The following HDAC5 variants were observed in gnomAD, a reference collection of about 807,000 sequenced individuals.
HDAC5 encodes the protein antigen NY-CO-9.
Under a neutral mutation model 133.3 loss-of-function variants are expected in HDAC5, and 25 were observed. That is an observed-to-expected ratio of 0.19 (90% confidence interval 0.14 to 0.26). HDAC5 has a LOEUF of 0.26. Among genes scored for constraint, HDAC5 ranks in the 10% least tolerant of loss-of-function variants. HDAC5 has a pLI of 1.00. For missense variants in HDAC5, 1,041 were observed against 1,460.5 expected, an observed-to-expected ratio of 0.71 and a Z score of 4.68; for synonymous variants, 589 against 610.8, an observed-to-expected ratio of 0.96 and a Z score of 0.53.
chr17:44,121,942 T>C (rs2053031448), intron 1 of HDAC5, among the ~76,000 whole-genome samples: 1 of 151,924 alleles, frequency 6.6e-6, no homozygotes, highest in African/African-American at 2.4e-5. Flanking sequence ...GGGGCCCATT[T>C]CTCTAACTCA....
chr17:44,099,696 G>C (rs948308561), intron 3 of HDAC5, among the ~76,000 whole-genome samples: 8 of 152,046 alleles, frequency 5.3e-5, no homozygotes, highest in Non-Finnish European at 8.8e-5. Flanking sequence ...GGGTGGTCTC[G>C]ATCTCCTGAC....
rs117519930 is a variant in HDAC5, at chr17:44,093,503, C to T, written c.355-18G>A. ...TGCTGCTGCTGCAGGGGCATGGGAACGGAGGCACAAGTGAGCCAGGCCCGG... is the reference window on the plus strand; with the variant it reads ...TGCTGCTGCTGCAGGGGCATGGGAATGGAGGCACAAGTGAGCCAGGCCCGG... On this transcript the variant is annotated intron_variant, in intron 4 of 26. Transcript: ENST00000682912. The T allele has an allele frequency of 0.028, 45,121 of 1,603,430 alleles. 740 individuals carry two copies. Among genetic ancestry groups the T allele is most frequent in the Middle Eastern group, 0.035 (210 of 6,030 alleles).
chr17:44,111,961 T>C (rs2052373496), intron 2 of HDAC5, among the ~76,000 whole-genome samples: 1 of 152,166 alleles, frequency 6.6e-6, no homozygotes, highest in Admixed American at 6.5e-5. Context: ...GGTGCAGTGC[T>C]ACGAACATCA....
chr17:44,088,168 C>A lies in HDAC5; in HGVS notation c.1599+219G>T, dbSNP rs150373166. Among the ~76,000 whole-genome samples, 1,340 of 152,320 alleles carry A rather than the reference C, an allele frequency of 8.8e-3. 8 individuals are homozygous for A. Among genetic ancestry groups the A allele is most frequent in the Non-Finnish European group, 0.014 (927 of 68,036 alleles). ...GGATTATTATAGGTGCCTACCACCA[C>A]GCCTGGCTAATTTTTGTATTTTTAG... is the stretch of plus-strand genomic sequence containing the variant. On this transcript the variant is annotated intron_variant, in intron 12 of 26. Coordinates refer to ENST00000682912, the MANE Select transcript of HDAC5 (RefSeq NM_005474.5).
chr17:44,090,840 C>A (rs887667698), intron 11 of HDAC5, among the ~76,000 whole-genome samples: 2 of 152,132 alleles, frequency 1.3e-5, no homozygotes, highest in African/African-American at 4.8e-5. Context: ...CAGGTGCCCA[C>A]CACCACGCCC....
intron 2 of HDAC5, among the ~76,000 whole-genome samples, chr17:44,113,861 C>G (rs763879533): frequency 2.6e-5 from 4 of 152,186 alleles, no homozygotes; most frequent in Non-Finnish European, 4.4e-5. Flanking sequence ...AGTGAAAAAG[C>G]CAATGGCTGG....
At chr17:44,111,013 A>G in intron 2 of HDAC5, 1 of 556,444 alleles carries the variant, frequency 1.8e-6, no homozygotes, top group Middle Eastern at 3.2e-4. Flanking sequence ...CGGCCTGGGC[A>G]CTCCTGGCGG....
At position 44,087,502 on chromosome 17, in the gene HDAC5, CTCCTCCTCCCCATCGTCTTCCTCG is replaced by C; in HGVS notation, c.1770_1793del (p.Asp590_Glu597del). 2 of 1,596,910 alleles carry C rather than the reference CTCCTCCTCCCCATCGTCTTCCTCG, an allele frequency of 1.3e-6. No individual in the cohort carries two copies. The highest frequency in any genetic ancestry group is 2.2e-5 in the South Asian group (2 of 90,748). Reference sequence around the variant, plus strand: ...CGTCCTTAACCTGGATGCAATCCTCCTCCTCCTCCCCATCGTCTTCCTCGTCCTCCTCCTCCAGGTCTTCCTGTG... The same window carrying C: ...CGTCCTTAACCTGGATGCAATCCTCCTCCTCCTCCTCCAGGTCTTCCTGTG... On this transcript the variant is annotated inframe_deletion, in exon 13 of 27. Transcript: ENST00000682912.
At position 44,093,905 on chromosome 17, in the gene HDAC5, G is replaced by A. The variant is rs1673164234; in HGVS notation, c.95-71C>T. 4 of 1,430,518 alleles carry A rather than the reference G, an allele frequency of 2.8e-6. No individual in the cohort carries two copies. In the African/African-American group the frequency reaches 5.8e-5, roughly 21 times the overall value. 88.6% of individuals were successfully genotyped at this position (1,430,518 alleles called of 1,614,324 possible). A position where few individuals can be genotyped will look rare whatever the true frequency, so the allele number is the denominator to read the frequency against. ...ACTCCAGTCATGCCTGAGGCCCAAA[G>A]GCTACCACGCAGGATTCTAGGAGAC... On this transcript the variant is annotated intron_variant, in intron 3 of 26. Transcript: ENST00000682912.
At chr17:44,080,913 T>C (rs892074884) in intron 20 of HDAC5, 31 bp from the exon 21 acceptor site, 6 of 1,613,798 alleles carry the variant, frequency 3.7e-6, no homozygotes, top group African/African-American at 1.3e-5. Context: ...ATCGGGAAAA[T>C]GGCCCGCGCT....
At chr17:44,113,648 T>C (rs2052473447) in intron 2 of HDAC5, among the ~76,000 whole-genome samples, 1 of 152,090 alleles carries the variant, frequency 6.6e-6, no homozygotes, top group Admixed American at 6.6e-5. Flanking sequence ...ATGGGGTACA[T>C]GAGCTTCACC....
In HDAC5 at chr17:44,099,546, C is replaced by A. The variant is rs903620400; in HGVS notation, c.95-5712G>T. Among the ~76,000 whole-genome samples the A allele has an allele frequency of 2.0e-5, 3 of 151,828 alleles. No individual in the cohort carries two copies. In the East Asian group the frequency reaches 5.8e-4, roughly 29 times the overall value. On this transcript the variant is annotated intron_variant, in intron 3 of 26. Coordinates refer to ENST00000682912, the MANE Select transcript of HDAC5 (RefSeq NM_005474.5). ...CTGGAGTGCAGTGGCGCGATCTCGG[C>A]TCACTGCAAGCTCCGCCTTCCAGGT...
At chr17:44,121,581 T>C (rs2053007994) in intron 1 of HDAC5, among the ~76,000 whole-genome samples, 1 of 151,850 alleles carries the variant, frequency 6.6e-6, no homozygotes. Flanking sequence ...CCGACTGCAC[T>C]ACCCCCAGCT....
intron 2 of HDAC5, among the ~76,000 whole-genome samples, chr17:44,116,243 G>T (rs1248549224): frequency 6.6e-6 from 1 of 152,212 alleles, no homozygotes; most frequent in Non-Finnish European, 1.5e-5. Context: ...GGCTGAGCTT[G>T]CTGGGGTAGT....
At chr17:44,114,790 T>C (rs2052555931) in intron 2 of HDAC5, among the ~76,000 whole-genome samples, 1 of 152,050 alleles carries the variant, frequency 6.6e-6, no homozygotes, top group Admixed American at 6.5e-5. Flanking sequence ...AAGCAAACAG[T>C]TCCAGAAAAA....
chr17:44,089,579 T>C (rs1193098203), intron 11 of HDAC5, among the ~76,000 whole-genome samples: 1 of 151,510 alleles, frequency 6.6e-6, no homozygotes, highest in Admixed American at 6.6e-5. Flanking sequence ...ACTTCTTCTC[T>C]AATAAAAATA....
At chr17:44,116,692 C>T (rs1249089098) in intron 2 of HDAC5, among the ~76,000 whole-genome samples, 2 of 152,142 alleles carry the variant, frequency 1.3e-5, no homozygotes, top group East Asian at 3.8e-4. Context: ...ACTCTGACCA[C>T]ACTGCCCCAG....
At chr17:44,107,591 G>A (rs1290167910) in intron 3 of HDAC5, among the ~76,000 whole-genome samples, 2 of 126,756 alleles carry the variant, frequency 1.6e-5, no homozygotes, top group African/African-American at 3.0e-5. Flanking sequence ...CTGGGCAAAA[G>A]AGGGAGACTC....
chr17:44,091,223 G>T, intron 11 of HDAC5, 47 bp downstream of exon 11: 1 of 1,397,944 alleles, frequency 7.2e-7, no homozygotes, highest in Non-Finnish European at 9.9e-7. Context: ...CCTGACAGTT[G>T]GTCCTGACCT....
Sources: gnomAD v4.1 joint callset for allele counts (sites outside exome capture counted in the v4.1 genomes callset) on GRCh38, gnomAD v4.1.1 for gene constraint, MANE v1.5 for transcripts, NCBI Gene and HGNC (gene_info 2026-07-23, HGNC 2026-07-21) for gene names.